Variants in XXYLT1 observed in about 807,000 individuals in gnomAD.
The protein encoded by XXYLT1 is UDP-xylose:alpha-xyloside alpha-1,3-xylosyltransferase.
Under a neutral mutation model 28.9 loss-of-function variants are expected in XXYLT1, and 20 were observed. That is an observed-to-expected ratio of 0.69 (90% confidence interval 0.49 to 1.00). The LOEUF is 1.00. Among genes scored for constraint, XXYLT1 ranks in the 50% least tolerant of loss-of-function variants. The probability of loss-of-function intolerance (pLI) is 0.00; values close to 1 mark genes in which losing one functional copy is unlikely to be tolerated. For missense variants in XXYLT1, 542 were observed against 560.1 expected (o/e 0.97, Z 0.33); for synonymous variants, 257 against 253.8 (o/e 1.01, Z -0.12).
intron 2 of XXYLT1, among the ~76,000 whole-genome samples, chr3:195,185,632 C>G (rs571976449): frequency 6.6e-6 from 1 of 151,014 alleles, no homozygotes; most frequent in Non-Finnish European, 1.5e-5. Flanking sequence ...TTATTTTAGA[C>G]TCTGAGGTCA....
intron 3 of XXYLT1, among the ~76,000 whole-genome samples, chr3:195,134,004 G>T (rs1719037399): frequency 6.6e-6 from 1 of 152,150 alleles, no homozygotes; most frequent in African/African-American, 2.4e-5. Flanking sequence ...CTGAGCCCAG[G>T]AGTTTGAGAC....
intron 1 of XXYLT1, among the ~76,000 whole-genome samples, chr3:195,239,989 C>T (rs1435004034): frequency 6.6e-6 from 1 of 152,180 alleles, no homozygotes; most frequent in Non-Finnish European, 1.5e-5. Flanking sequence ...ATATCCCACC[C>T]CAGGAATATC....
In XXYLT1 at chr3:195,069,996, G is replaced by T. The variant is rs746241527; in HGVS notation, c.901C>A (p.Arg301Ser). The change falls in exon 4 of 4, where the codon CGC (arginine) becomes AGC (serine). Residue 301 changes from arginine to serine, a missense_variant. Transcript: ENST00000310380. The stretch of plus-strand genomic sequence containing the variant: ...AGGCGGCTGTAGAGCGGGGACTGGC[G>T]CATGGCCTCCAGGTTCAGCAACATC... ...GVMLLNLEAM[R>S]QSPLYSRLLE... is the part of the protein sequence containing the mutation. 8 of 1,607,390 alleles carry T rather than the reference G, an allele frequency of 5.0e-6. No homozygotes were observed. The African/African-American group carries it at 9.3e-5, about 19-fold the overall frequency.
At chr3:195,206,614 C>T (rs1255884221) in intron 2 of XXYLT1, among the ~76,000 whole-genome samples, 2 of 151,590 alleles carry the variant, frequency 1.3e-5, no homozygotes, top group Non-Finnish European at 2.9e-5. Context: ...ACTAAAAATA[C>T]AAAAATTAGC....
At chr3:195,229,518 A>G (rs1724211920) in intron 1 of XXYLT1, among the ~76,000 whole-genome samples, 2 of 152,258 alleles carry the variant, frequency 1.3e-5, no homozygotes, top group Admixed American at 6.5e-5. Flanking sequence ...TCCATTAACC[A>G]TCTCCTCCTC....
chr3:195,107,195 C>T (rs1439397090), intron 3 of XXYLT1, among the ~76,000 whole-genome samples: 1 of 151,902 alleles, frequency 6.6e-6, no homozygotes, highest in Non-Finnish European at 1.5e-5. Context: ...GAGAGGTGGC[C>T]GGGTGCGGTG....
rs570171865 is a variant in XXYLT1 at position 195,239,304 on chromosome 3, C to G, written c.505-12448G>C. Among the ~76,000 whole-genome samples the G allele has an allele frequency of 1.4e-3, 219 of 152,248 alleles. 3 individuals are homozygous for G. The highest frequency in any genetic ancestry group is 2.7e-3 in the Non-Finnish European group (181 of 68,024). On this transcript the variant is annotated intron_variant, in intron 1 of 3. Transcript: ENST00000310380. ...CTGTCATACTCTGGGGTCCTTTGCC[C>G]AGACCAGGGGCTGATGCCTGGCAGT...
At chr3:195,127,892 T>C (rs1577059438) in intron 3 of XXYLT1, among the ~76,000 whole-genome samples, 1 of 152,300 alleles carries the variant, frequency 6.6e-6, no homozygotes, top group Non-Finnish European at 1.5e-5. Flanking sequence ...GAAATGATTA[T>C]ATAAATCATT....
chr3:195,105,196 G>A (rs9867959), intron 3 of XXYLT1, among the ~76,000 whole-genome samples: 75,695 of 152,194 alleles, frequency 0.5, 20,184 homozygotes, highest in Non-Finnish European at 0.58. Flanking sequence ...TAGGAAAGAG[G>A]TGAATGTCAA....
At position 195,173,719 on chromosome 3, in the gene XXYLT1, AAGTG is replaced by A. The variant is rs1263199063; in HGVS notation, c.653-17142_653-17139del. On this transcript the variant is annotated intron_variant, in intron 2 of 3. Coordinates refer to ENST00000310380, the MANE Select transcript of XXYLT1 (RefSeq NM_152531.5). The surrounding 1 kb of genome is among the most constrained non-coding windows in gnomAD (Gnocchi z 4.3). ...ATCCTACTGAAAGGCATCGTGGATA[AAGTG>A]AACTTCACTTTAGAAAGCAGAAGGA... 6.6e-6 allele frequency among the ~76,000 whole-genome samples: 1 copy of A among 152,178 alleles called. No homozygotes were observed. The highest frequency in any genetic ancestry group is 1.9e-4 in the East Asian group (1 of 5,196).
At chr3:195,265,935 A>G (rs996708456) in intron 1 of XXYLT1, among the ~76,000 whole-genome samples, 2 of 152,142 alleles carry the variant, frequency 1.3e-5, no homozygotes, top group East Asian at 1.9e-4. Context: ...TGTTTAAGCC[A>G]CCATTATTTG....
chr3:195,113,003 C>T (rs1404009939), intron 3 of XXYLT1, among the ~76,000 whole-genome samples: 2 of 152,258 alleles, frequency 1.3e-5, no homozygotes, highest in East Asian at 1.9e-4. Context: ...GCCCCTCACT[C>T]GCCGTGCCAT....
At chr3:195,123,409 C>T (rs1313101951) in intron 3 of XXYLT1, among the ~76,000 whole-genome samples, 1 of 152,186 alleles carries the variant, frequency 6.6e-6, no homozygotes, top group Non-Finnish European at 1.5e-5. Context: ...TCTTCCCTCT[C>T]CTGACTGATG....
Position 195,133,088 on chromosome 3 carries a change from G to A in XXYLT1, c.785+23361C>T, listed in dbSNP as rs1024807903. ...ACCCTGCTTGGGGTGGAGGTGGTGG[G>A]CAAGTGTAAGCACCAGCATGGTCTC... is the stretch of plus-strand genomic sequence containing the variant. On this transcript the variant is annotated intron_variant, in intron 3 of 3. Transcript: ENST00000310380. The surrounding 1 kb of genome is among the most constrained non-coding windows in gnomAD (Gnocchi z 4.4). Among the ~76,000 whole-genome samples, 1 of 152,134 alleles carries A rather than the reference G, an allele frequency of 6.6e-6. No homozygotes were observed. Among genetic ancestry groups the A allele is most frequent in the African/African-American group, 2.4e-5 (1 of 41,418 alleles).
chr3:195,262,723 G>A (rs1013562093), intron 1 of XXYLT1, among the ~76,000 whole-genome samples: 1 of 152,094 alleles, frequency 6.6e-6, no homozygotes, highest in Non-Finnish European at 1.5e-5. Flanking sequence ...CTTCTCCAGA[G>A]TTTATTGTAT....
intron 3 of XXYLT1, among the ~76,000 whole-genome samples, chr3:195,087,993 C>T (rs958148238): frequency 6.6e-5 from 10 of 152,086 alleles, no homozygotes; most frequent in East Asian, 1.9e-4. Context: ...TAAAAAACGG[C>T]GCACCACGAG....
At chr3:195,120,341 A>G (rs1157844473) in intron 3 of XXYLT1, among the ~76,000 whole-genome samples, 1 of 140,356 alleles carries the variant, frequency 7.1e-6, no homozygotes, top group Non-Finnish European at 1.5e-5. Context: ...AAAGAGCTTC[A>G]GGCTGGGCAT....
At chr3:195,118,713 T>C (rs1246691456) in intron 3 of XXYLT1, among the ~76,000 whole-genome samples, 2 of 152,180 alleles carry the variant, frequency 1.3e-5, no homozygotes, top group Non-Finnish European at 2.9e-5. Context: ...ATCTCATTAA[T>C]GCAAAACCTA....
Position 195,095,515 on chromosome 3 carries a change from C to T in XXYLT1, c.786-25404G>A, listed in dbSNP as rs546486766. On this transcript the variant is annotated intron_variant, in intron 3 of 3. Transcript: ENST00000310380. Reference sequence around the variant, plus strand: ...CCTTGCAGATGGGCACTCTTACAGCCGGGCCTCCACATCCAGTTTGAGTGC... The same window carrying T: ...CCTTGCAGATGGGCACTCTTACAGCTGGGCCTCCACATCCAGTTTGAGTGC... 1.2e-4 allele frequency: 19 copies of T among 154,078 alleles called. 1 individual carries two copies. In the South Asian group the frequency reaches 1.9e-3, roughly 15 times the overall value. 9.5% of individuals were successfully genotyped at this position (154,078 alleles called of 1,614,324 possible). A position where few individuals can be genotyped will look rare whatever the true frequency, so the allele number is the denominator to read the frequency against.
Sources: allele counts gnomAD v4.1 joint callset (sites outside exome capture counted in the v4.1 genomes callset), GRCh38; gene constraint gnomAD v4.1.1; non-coding constraint Gnocchi (gnomAD v3.1); transcripts MANE v1.5; gene names NCBI Gene and HGNC (gene_info 2026-07-23, HGNC 2026-07-21).